TCF12: variants seen among roughly 807,000 people sequenced by gnomAD.
The protein encoded by TCF12 is DNA-binding protein HTF4.
In TCF12, 45 loss-of-function variants were observed where a neutral mutation model predicts 86.0. The observed-to-expected ratio is 0.52, with a 90% CI of 0.41 to 0.67. The LOEUF is 0.67. Ranked by LOEUF, TCF12 falls within the 30% of genes least tolerant of loss-of-function variation. The probability of loss-of-function intolerance (pLI) is 0.00; values close to 1 mark genes in which losing one functional copy is unlikely to be tolerated. For missense variants in TCF12, 881 were observed against 859.9 expected (o/e 1.02, Z -0.31); for synonymous variants, 330 against 299.6 (o/e 1.10, Z -1.05).
At chr15:57,045,353 T>C (rs1292737091) in intron 3 of TCF12, among the ~76,000 whole-genome samples, 2 of 152,172 alleles carry the variant, frequency 1.3e-5, no homozygotes, top group East Asian at 3.9e-4. Context: ...ATTGTCTAGG[T>C]TTTTATTCTC....
chr15:57,186,323 A>T (rs1306638910), intron 6 of TCF12, among the ~76,000 whole-genome samples: 1 of 152,144 alleles, frequency 6.6e-6, no homozygotes, highest in African/African-American at 2.4e-5. Flanking sequence ...ATGTGGTAAG[A>T]TCTGATGTCT....
At chr15:57,276,054 G>A (rs944860454) in intron 19 of TCF12, among the ~76,000 whole-genome samples, 3 of 152,176 alleles carry the variant, frequency 2.0e-5, no homozygotes, top group African/African-American at 4.8e-5. Flanking sequence ...TGTACTCTCA[G>A]CGTTACTCAA....
At chr15:56,964,265 G>A (rs1203780826) in intron 3 of TCF12, among the ~76,000 whole-genome samples, 12 of 152,142 alleles carry the variant, frequency 7.9e-5, no homozygotes, top group African/African-American at 2.9e-4. Context: ...GATATGAGTT[G>A]CTTCTAATTT....
At chr15:56,938,973 G>A (rs552392912) in intron 3 of TCF12, among the ~76,000 whole-genome samples, 1 of 152,126 alleles carries the variant, frequency 6.6e-6, no homozygotes, top group Non-Finnish European at 1.5e-5. Context: ...ATCTGATGGA[G>A]ACTTACCTTA....
intron 6 of TCF12, among the ~76,000 whole-genome samples, chr15:57,169,755 G>A (rs2055174644): frequency 6.6e-6 from 1 of 152,048 alleles, no homozygotes; most frequent in Non-Finnish European, 1.5e-5. Context: ...CATAGTTCAT[G>A]CTTATATTAA....
chr15:57,094,621 T>C (rs1459884526), intron 5 of TCF12, among the ~76,000 whole-genome samples: 1 of 152,194 alleles, frequency 6.6e-6, no homozygotes, highest in East Asian at 1.9e-4. Flanking sequence ...TCTGCTGAGA[T>C]GTGTATGGTA....
chr15:57,170,737 A>ATATATAAC (rs1567559372), intron 6 of TCF12, among the ~76,000 whole-genome samples: 3 of 24,846 alleles, frequency 1.2e-4, no homozygotes, highest in African/African-American at 3.2e-4. Flanking sequence ...TATTATATAT[A>ATATATAAC]ATATATATTA....
At chr15:57,247,212 C>T (rs1160661836) in intron 13 of TCF12, 4 of 615,688 alleles carry the variant, frequency 6.5e-6, no homozygotes, top group Admixed American at 4.4e-5. Context: ...CTACTGTAAC[C>T]AGGACTACCA....
chr15:57,095,173 A>G (rs1040955114), intron 5 of TCF12, among the ~76,000 whole-genome samples: 4 of 152,182 alleles, frequency 2.6e-5, no homozygotes, highest in South Asian at 2.1e-4. Flanking sequence ...GGTAATTAGC[A>G]TCAAGCAGTT....
chr15:56,936,912 C>G (rs576588768), intron 3 of TCF12, among the ~76,000 whole-genome samples: 1 of 152,140 alleles, frequency 6.6e-6, no homozygotes, highest in African/African-American at 2.4e-5. Context: ...TAATGTGATG[C>G]CAGATTTGAT....
chr15:57,041,328 A>G (rs1447611050), intron 3 of TCF12, among the ~76,000 whole-genome samples: 3 of 152,178 alleles, frequency 2.0e-5, no homozygotes, highest in Non-Finnish European at 4.4e-5. Context: ...TTTTCTTTAT[A>G]CTATTGAACC....
intron 3 of TCF12, among the ~76,000 whole-genome samples, chr15:57,016,413 G>A (rs2065156320): frequency 6.6e-6 from 1 of 152,180 alleles, no homozygotes; most frequent in African/African-American, 2.4e-5. Context: ...GGTAGACTTT[G>A]ATGGTTTATG....
At chr15:57,216,408 G>A (rs751214339) in intron 8 of TCF12, among the ~76,000 whole-genome samples, 17 of 152,010 alleles carry the variant, frequency 1.1e-4, no homozygotes, top group South Asian at 2.1e-4. Context: ...ATTATGTAGC[G>A]TTGTGGGTGG....
intron 8 of TCF12, among the ~76,000 whole-genome samples, chr15:57,202,567 C>T (rs1208406270): frequency 6.6e-5 from 10 of 151,852 alleles, no homozygotes; most frequent in Admixed American, 5.2e-4. Context: ...TCCTGAGTAG[C>T]TGGGACTACA....
intron 2 of TCF12, among the ~76,000 whole-genome samples, chr15:56,920,218 C>G (rs560118920): frequency 6.6e-6 from 1 of 152,052 alleles, no homozygotes; most frequent in Admixed American, 6.6e-5. Flanking sequence ...ACTTTAATGC[C>G]AGAGGGGTCA....
intron 4 of TCF12, among the ~76,000 whole-genome samples, chr15:57,076,638 C>CAA (rs201622891): frequency 0.054 from 6,384 of 118,748 alleles, 361 homozygotes; most frequent in Admixed American, 0.2. Context: ...GGCTCTGTCT[C>CAA]AAAAAAAAAA....
At chr15:57,156,417 T>C (rs2054113011) in intron 5 of TCF12, among the ~76,000 whole-genome samples, 1 of 152,198 alleles carries the variant, frequency 6.6e-6, no homozygotes, top group Non-Finnish European at 1.5e-5. Context: ...GAGACAGAAA[T>C]AGATCCTCTT....
intron 5 of TCF12, among the ~76,000 whole-genome samples, chr15:57,096,741 T>G (rs1024130519): frequency 2.0e-5 from 3 of 152,276 alleles, no homozygotes. Flanking sequence ...TATTTTCAAA[T>G]TGTGGTTGAT....
chr15:57,192,482 G>A (rs1253244302), intron 7 of TCF12, among the ~76,000 whole-genome samples, 189 bp downstream of exon 7: 6 of 151,704 alleles, frequency 4.0e-5, no homozygotes, highest in Non-Finnish European at 8.8e-5. Context: ...TCAACCTCCT[G>A]TGCTCAAGCC....
Sources: gnomAD v4.1 joint callset for allele counts (sites outside exome capture counted in the v4.1 genomes callset) on GRCh38, gnomAD v4.1.1 for gene constraint, MANE v1.5 for transcripts, NCBI Gene and HGNC (gene_info 2026-07-23, HGNC 2026-07-21) for gene names.